Variants in CACNA2D3 observed in about 807,000 individuals in gnomAD.
CACNA2D3 encodes the protein calcium voltage-gated channel auxiliary subunit alpha2delta 3.
CACNA2D3 carries 60 observed loss-of-function variants against 160.6 expected under a neutral mutation model. The ratio of observed to expected loss-of-function variants is 0.37; its 90% CI spans 0.30 to 0.46. The LOEUF (loss-of-function observed/expected upper bound fraction) is 0.46, where lower values mean the gene tolerates loss of function less well. Among genes scored for constraint, CACNA2D3 ranks in the 20% least tolerant of loss-of-function variants. The probability of loss-of-function intolerance (pLI) is 1.00; values close to 1 mark genes in which losing one functional copy is unlikely to be tolerated. For synonymous variants in CACNA2D3, 558 were observed against 492.9 expected, an observed-to-expected ratio of 1.13 and a Z score of -1.75; for missense variants, 1,205 against 1,365.0, an observed-to-expected ratio of 0.88 and a Z score of 1.85.
chr3:54,273,714 G>A (rs982951810), intron 2 of CACNA2D3, among the ~76,000 whole-genome samples: 3 of 152,200 alleles, frequency 2.0e-5, no homozygotes, highest in African/African-American at 7.2e-5. Flanking sequence ...TCTGGCGACC[G>A]TTCTCGGAGT....
intron 17 of CACNA2D3, among the ~76,000 whole-genome samples, chr3:54,851,047 G>A (rs987274447): frequency 5.9e-5 from 9 of 152,226 alleles, no homozygotes; most frequent in South Asian, 2.1e-4. Flanking sequence ...GGATGGATAC[G>A]ATACGTGTAT....
chr3:54,149,751 C>G (rs185327387), intron 2 of CACNA2D3, among the ~76,000 whole-genome samples: 2 of 152,090 alleles, frequency 1.3e-5, no homozygotes, highest in Non-Finnish European at 2.9e-5. Context: ...TGGGTACCCA[C>G]AGCAGTGTAC....
chr3:54,908,542 A>C (rs1011276074), intron 27 of CACNA2D3, among the ~76,000 whole-genome samples: 2 of 152,030 alleles, frequency 1.3e-5, no homozygotes, highest in African/African-American at 4.8e-5. Context: ...ATGGTGAAAC[A>C]CCACCTCTAC....
At chr3:54,534,179 C>T (rs9874177) in intron 5 of CACNA2D3, among the ~76,000 whole-genome samples, 93,824 of 152,024 alleles carry the variant, frequency 0.62, 29,164 homozygotes, top group Non-Finnish European at 0.65. Flanking sequence ...CTTGCTTGCA[C>T]CTCTGTTTCT....
chr3:54,584,072 C>T (rs930268506), intron 9 of CACNA2D3, among the ~76,000 whole-genome samples: 15 of 152,040 alleles, frequency 9.9e-5, no homozygotes, highest in African/African-American at 3.6e-4. Flanking sequence ...CCCATGCATA[C>T]CCCCTTGGCC....
At chr3:54,600,591 TCTC>T (rs913748657) in intron 9 of CACNA2D3, among the ~76,000 whole-genome samples, 6 of 152,086 alleles carry the variant, frequency 3.9e-5, no homozygotes, top group Non-Finnish European at 7.4e-5. Flanking sequence ...GTTACTGGCT[TCTC>T]CTCAAGGACC....
chr3:54,483,917 G>T (rs147537202), intron 4 of CACNA2D3, among the ~76,000 whole-genome samples: 1 of 152,200 alleles, frequency 6.6e-6, no homozygotes. Context: ...ATAAGATATT[G>T]TTAAATTGAA....
chr3:54,466,512 G>A (rs1021714091), intron 4 of CACNA2D3, among the ~76,000 whole-genome samples: 2 of 152,130 alleles, frequency 1.3e-5, no homozygotes, highest in African/African-American at 4.8e-5. Flanking sequence ...GCTGATCCGA[G>A]CCAAGTTTTT....
intron 13 of CACNA2D3, among the ~76,000 whole-genome samples, chr3:54,780,762 C>G (rs936287800): frequency 7.2e-5 from 11 of 152,156 alleles, no homozygotes; most frequent in African/African-American, 2.7e-4. Context: ...GAAGAAGACG[C>G]TAAGAAATCC....
At position 54,859,972 on chromosome 3, in the gene CACNA2D3, G is replaced by GCGCA. The variant is rs535185040; in HGVS notation, c.1627-11566_1627-11565insGCAC. Reference sequence around the variant, plus strand: ...TTAGAACATCATCTGGAAAGTAGATGCACACACACACACACACACACACAC... The same window carrying GCGCA: ...TTAGAACATCATCTGGAAAGTAGATGCGCACACACACACACACACACACACACAC... On this transcript the variant is annotated intron_variant, in intron 17 of 37. Coordinates refer to ENST00000474759, the MANE Select transcript of CACNA2D3 (RefSeq NM_018398.3). Among the ~76,000 whole-genome samples the GCGCA allele has an allele frequency of 4.5e-4, 60 of 133,886 alleles. 1 individual carries two copies. The highest frequency in any genetic ancestry group is 7.6e-4 in the South Asian group (3 of 3,956). 87.8% of individuals were successfully genotyped at this position (133,886 alleles called of 152,430 possible).
intron 11 of CACNA2D3, among the ~76,000 whole-genome samples, chr3:54,748,914 CTG>C (rs1410761622): frequency 1.3e-5 from 2 of 152,202 alleles, no homozygotes; most frequent in East Asian, 1.9e-4. Context: ...AGCAATTTGA[CTG>C]TTGTTCACAG....
chr3:54,202,007 T>C (rs1366009169), intron 2 of CACNA2D3, among the ~76,000 whole-genome samples: 1 of 152,226 alleles, frequency 6.6e-6, no homozygotes, highest in Non-Finnish European at 1.5e-5. Flanking sequence ...AATTTGAATT[T>C]CAGATAAATA....
chr3:54,522,622 T>C (rs1268368366), intron 5 of CACNA2D3, among the ~76,000 whole-genome samples: 1 of 152,174 alleles, frequency 6.6e-6, no homozygotes, highest in Non-Finnish European at 1.5e-5. Context: ...TCCAAGATCA[T>C]GTCATTGGCA....
intron 25 of CACNA2D3, among the ~76,000 whole-genome samples, chr3:54,896,250 G>A (rs1700185708): frequency 6.6e-6 from 1 of 152,164 alleles, no homozygotes; most frequent in African/African-American, 2.4e-5. Flanking sequence ...GGTGAGGGAA[G>A]AAGGTACAAA....
chr3:54,904,995 C>T (rs1700421888), intron 27 of CACNA2D3, among the ~76,000 whole-genome samples: 1 of 152,158 alleles, frequency 6.6e-6, no homozygotes, highest in African/African-American at 2.4e-5. Flanking sequence ...GTCCGGGCAT[C>T]TAAGGTGATG....
chr3:55,051,978 C>G (rs1489367649), intron 35 of CACNA2D3, among the ~76,000 whole-genome samples: 11 of 152,130 alleles, frequency 7.2e-5, no homozygotes, highest in Non-Finnish European at 1.5e-4. Context: ...GCACGGTGCA[C>G]ACACCCATGA....
chr3:54,426,319 T>A (rs1338108267), intron 4 of CACNA2D3, among the ~76,000 whole-genome samples: 1 of 152,178 alleles, frequency 6.6e-6, no homozygotes, highest in East Asian at 1.9e-4. Flanking sequence ...TAGCTCTAAG[T>A]TATGTTGTTG....
At chr3:54,188,555 T>C (rs1700925237) in intron 2 of CACNA2D3, among the ~76,000 whole-genome samples, 1 of 152,208 alleles carries the variant, frequency 6.6e-6, no homozygotes, top group East Asian at 1.9e-4. Context: ...GTCCATGTAT[T>C]CCTGTGATAG....
At chr3:55,016,599 G>C (rs1703331990) in intron 34 of CACNA2D3, among the ~76,000 whole-genome samples, 1 of 152,192 alleles carries the variant, frequency 6.6e-6, no homozygotes, top group South Asian at 2.1e-4. Flanking sequence ...GTGCGTGCAG[G>C]CTTCACTCTG....
Sources: allele counts gnomAD v4.1 joint callset (sites outside exome capture counted in the v4.1 genomes callset), GRCh38; gene constraint gnomAD v4.1.1; transcripts MANE v1.5; gene names NCBI Gene and HGNC (gene_info 2026-07-23, HGNC 2026-07-21).